Variants in FOXP2 observed in about 807,000 individuals in gnomAD.
FOXP2 encodes forkhead box protein P2.
A neutral mutation model predicts 115.8 loss-of-function variants in FOXP2; 12 were observed. The ratio of observed to expected loss-of-function variants is 0.10; its 90% CI spans 0.07 to 0.17. FOXP2 has a LOEUF of 0.17. FOXP2 is among the 10% of genes least tolerant of loss of function. The pLI, the probability that FOXP2 is intolerant of heterozygous loss-of-function variation, is 1.00. For missense variants in FOXP2, 629 were observed against 843.5 expected (o/e 0.75, Z 3.15); for synonymous variants, 328 against 297.7 (o/e 1.10, Z -1.05).
intron 2 of FOXP2, among the ~76,000 whole-genome samples, chr7:114,361,994 A>C (rs976340193): frequency 6.6e-6 from 1 of 152,086 alleles, no homozygotes; most frequent in African/African-American, 2.4e-5. Flanking sequence ...AAAAATGCTG[A>C]AAGGGAACTT....
intron 1 of FOXP2, among the ~76,000 whole-genome samples, chr7:114,231,329 A>G (rs765337781): frequency 2.1e-4 from 32 of 152,178 alleles, no homozygotes; most frequent in Non-Finnish European, 4.6e-4. Context: ...TGCAATTCCT[A>G]TTAAAATCCC....
chr7:114,250,145 A>C (rs1441118045), intron 1 of FOXP2, among the ~76,000 whole-genome samples: 1 of 152,100 alleles, frequency 6.6e-6, no homozygotes, highest in Admixed American at 6.6e-5. Context: ...TTATGGCTGC[A>C]TAGTATTCCA....
intron 1 of FOXP2, among the ~76,000 whole-genome samples, chr7:114,240,323 T>G (rs776960134): frequency 1.3e-5 from 2 of 152,138 alleles, no homozygotes; most frequent in Non-Finnish European, 2.9e-5. Context: ...TTTCCTTATA[T>G]TATTCATATT....
intron 2 of FOXP2, among the ~76,000 whole-genome samples, chr7:114,369,276 A>G (rs1489335095): frequency 1.3e-5 from 2 of 152,232 alleles, no homozygotes; most frequent in Admixed American, 1.3e-4. Flanking sequence ...CAATTTTAAG[A>G]GGAGGGGAAC....
intron 2 of FOXP2, among the ~76,000 whole-genome samples, chr7:114,457,924 T>C (rs1795390965): frequency 6.6e-6 from 1 of 152,140 alleles, no homozygotes; most frequent in Non-Finnish European, 1.5e-5. Flanking sequence ...TTCTCATTTT[T>C]GTATTAGAAA....
At chr7:114,423,776 G>A (rs774084221) in intron 1 of FOXP2, among the ~76,000 whole-genome samples, 23 of 151,566 alleles carry the variant, frequency 1.5e-4, no homozygotes, top group Non-Finnish European at 2.7e-4. Flanking sequence ...ATAAGTGGAA[G>A]TGTTACCAAG....
At chr7:114,454,275 T>A (rs1173310725) in intron 2 of FOXP2, among the ~76,000 whole-genome samples, 1 of 152,074 alleles carries the variant, frequency 6.6e-6, no homozygotes, top group Non-Finnish European at 1.5e-5. Flanking sequence ...AAAATGCTCA[T>A]CATCACTGGC....
intron 2 of FOXP2, among the ~76,000 whole-genome samples, chr7:114,370,195 C>A (rs549657406): frequency 4.6e-5 from 7 of 152,106 alleles, no homozygotes; most frequent in Non-Finnish European, 1.0e-4. Flanking sequence ...TTCTTTATTA[C>A]CTTGTACTCT....
chr7:114,325,462 G>A (rs1478591135), intron 2 of FOXP2, among the ~76,000 whole-genome samples: 1 of 151,726 alleles, frequency 6.6e-6, no homozygotes, highest in East Asian at 1.9e-4. Flanking sequence ...AACATGGTGG[G>A]ATATATGAAG....
At chr7:114,173,277 A>G (rs1350446828) in intron 1 of FOXP2, among the ~76,000 whole-genome samples, 1 of 151,884 alleles carries the variant, frequency 6.6e-6, no homozygotes, top group Non-Finnish European at 1.5e-5. Flanking sequence ...TCTTTCTTTG[A>G]CGTGAAATTT....
At chr7:114,478,374 A>G (rs1411227998) in intron 2 of FOXP2, among the ~76,000 whole-genome samples, 2 of 151,890 alleles carry the variant, frequency 1.3e-5, no homozygotes, top group African/African-American at 4.8e-5. Context: ...ACTTATGAGT[A>G]TAAGAAACAA....
chr7:114,527,733 C>T lies in FOXP2; in HGVS notation c.169-6884C>T, dbSNP rs200186041. Among the ~76,000 whole-genome samples the T allele has an allele frequency of 9.3e-4, 141 of 152,176 alleles. 4 individuals carry two copies. In the South Asian group the frequency reaches 0.028, roughly 30 times the overall value. ...CTAATTTCCTCCCTTTTAGTAGTGG[C>T]GCAGCTGTTCTTTCAGTTTCTTTTG... On this transcript the variant is annotated intron_variant, in intron 2 of 16. Coordinates refer to ENST00000350908, the MANE Select transcript of FOXP2 (RefSeq NM_014491.4).
chr7:114,572,075 C>A (rs1234019745), intron 3 of FOXP2, among the ~76,000 whole-genome samples: 1 of 151,620 alleles, frequency 6.6e-6, no homozygotes, highest in Admixed American at 6.6e-5. Context: ...TATCTAATTT[C>A]ATACTTTGGT....
chr7:114,678,532 C>G, intron 16 of FOXP2, among the ~76,000 whole-genome samples: 1 of 133,938 alleles, frequency 7.5e-6, no homozygotes, highest in East Asian at 2.1e-4. Context: ...TACTTCTCTC[C>G]GGAAATAAGT....
At chr7:114,611,180 A>G (rs1479262139) in intron 3 of FOXP2, among the ~76,000 whole-genome samples, 1 of 152,198 alleles carries the variant, frequency 6.6e-6, no homozygotes, top group Non-Finnish European at 1.5e-5. Context: ...CTCATTTGCC[A>G]TATTGGGAAT....
At chr7:114,329,936 A>G (rs1389878499) in intron 2 of FOXP2, among the ~76,000 whole-genome samples, 1 of 152,092 alleles carries the variant, frequency 6.6e-6, no homozygotes, top group Non-Finnish European at 1.5e-5. Context: ...CAGCCTCCCA[A>G]AGTGCTGGGA....
At chr7:114,658,316 C>T (rs771155344) in intron 11 of FOXP2, 49 bp downstream of exon 11, 2 of 1,574,574 alleles carry the variant, frequency 1.3e-6, no homozygotes, top group South Asian at 2.2e-5. Context: ...GAGAGGAAAA[C>T]TGTAGCTGAA....
chr7:114,595,433 T>C (rs903380880), intron 3 of FOXP2, among the ~76,000 whole-genome samples: 3 of 152,082 alleles, frequency 2.0e-5, no homozygotes, highest in Non-Finnish European at 4.4e-5. Flanking sequence ...TTCCTGAAGA[T>C]TATATGAAAT....
chr7:114,581,075 G>GCA (rs3028257), intron 3 of FOXP2, among the ~76,000 whole-genome samples: 26,923 of 144,418 alleles, frequency 0.19, 2,749 homozygotes, highest in Non-Finnish European at 0.23. Context: ...ATAAACACAT[G>GCA]CACACACACA....
Sources: allele counts gnomAD v4.1 joint callset (sites outside exome capture counted in the v4.1 genomes callset), GRCh38; gene constraint gnomAD v4.1.1; transcripts MANE v1.5; gene names NCBI Gene and HGNC (gene_info 2026-07-23, HGNC 2026-07-21).